EYS: variants seen among roughly 807,000 people sequenced by gnomAD.
EYS encodes the protein protein eyes shut homolog.
In EYS, 250 loss-of-function variants were observed where a neutral mutation model predicts 282.1. The ratio of observed to expected loss-of-function variants is 0.89; its 90% CI spans 0.80 to 0.98. The LOEUF is 0.98. Ranked by LOEUF, EYS falls within the 50% of genes least tolerant of loss-of-function variation. The pLI is 0.00. For missense variants in EYS, 4,016 were observed against 3,709.0 expected (o/e 1.08, Z -2.15); for synonymous variants, 1,355 against 1,282.9 (o/e 1.06, Z -1.20).
chr6:64,678,187 T>G (rs1769760328), intron 22 of EYS, among the ~76,000 whole-genome samples: 1 of 152,012 alleles, frequency 6.6e-6, no homozygotes, highest in South Asian at 2.1e-4. Flanking sequence ...CTGGCTTACA[T>G]GTACTACTTT....
chr6:64,432,292 A>C (rs1246993529), intron 28 of EYS, among the ~76,000 whole-genome samples: 2 of 152,066 alleles, frequency 1.3e-5, no homozygotes, highest in African/African-American at 4.8e-5. Context: ...TAAGACAAGA[A>C]ATAAAGTAAT....
chr6:63,957,937 C>A lies in EYS; in HGVS notation c.7055+26446G>T, dbSNP rs1219763018. On this transcript the variant is annotated intron_variant, in intron 35 of 42. Coordinates refer to ENST00000503581, the MANE Select transcript of EYS (RefSeq NM_001142800.2). ...ATGACAGACAAACAATTTAGTGCAACTTACTGAGAGGCATAAATTTGGGTT... is the reference window on the plus strand; with the variant it reads ...ATGACAGACAAACAATTTAGTGCAAATTACTGAGAGGCATAAATTTGGGTT... Among the ~76,000 whole-genome samples the A allele has an allele frequency of 3.5e-5, 5 of 140,870 alleles. 2 individuals are homozygous for A. The Admixed American group carries it at 3.8e-4, about 11-fold the overall frequency. 92.4% of individuals were successfully genotyped at this position (140,870 alleles called of 152,430 possible).
At chr6:65,540,006 G>A (rs1768104227) in intron 2 of EYS, among the ~76,000 whole-genome samples, 2 of 152,188 alleles carry the variant, frequency 1.3e-5, no homozygotes, top group South Asian at 4.1e-4. Context: ...TTCAGTGGGT[G>A]TTTATCTTTG....
At chr6:63,763,036 T>G (rs1769687876) in intron 40 of EYS, among the ~76,000 whole-genome samples, 1 of 152,026 alleles carries the variant, frequency 6.6e-6, no homozygotes, top group East Asian at 1.9e-4. Flanking sequence ...TTCCCTGGCA[T>G]TGGCAAACTC....
chr6:65,661,693 T>C (rs1447245147), intron 1 of EYS, among the ~76,000 whole-genome samples: 1 of 152,084 alleles, frequency 6.6e-6, no homozygotes, highest in African/African-American at 2.4e-5. Flanking sequence ...AACTTTCGGA[T>C]GATTTCATGA....
At chr6:63,845,622 A>G (rs923582354) in intron 36 of EYS, among the ~76,000 whole-genome samples, 1 of 152,132 alleles carries the variant, frequency 6.6e-6, no homozygotes, top group African/African-American at 2.4e-5. Flanking sequence ...GGATGTAATG[A>G]TTTCTAAGTT....
chr6:65,397,013 T>G (rs1766302800), intron 7 of EYS, among the ~76,000 whole-genome samples: 2 of 151,874 alleles, frequency 1.3e-5, no homozygotes, highest in African/African-American at 2.4e-5. Context: ...TGTCTGTATT[T>G]TTATCATCCT....
chr6:64,650,558 A>G (rs1486713107), intron 22 of EYS, among the ~76,000 whole-genome samples: 1 of 151,916 alleles, frequency 6.6e-6, no homozygotes, highest in East Asian at 1.9e-4. Flanking sequence ...ATAAACCTAT[A>G]CTAAGTGAAT....
chr6:64,513,967 G>C (rs1329910370), intron 26 of EYS, among the ~76,000 whole-genome samples: 1 of 151,820 alleles, frequency 6.6e-6, no homozygotes, highest in African/African-American at 2.4e-5. Flanking sequence ...TTACAAGAAA[G>C]TGTAGCATGA....
rs551972848 is a variant in EYS, at chr6:65,374,434, T to G, written c.1299+9952A>C. Among the ~76,000 whole-genome samples the G allele has an allele frequency of 1.7e-4, 25 of 151,490 alleles. No individual in the cohort carries two copies. The South Asian group carries it at 5.1e-3, about 31-fold the overall frequency. On this transcript the variant is annotated intron_variant, in intron 8 of 42. Coordinates refer to ENST00000503581, the MANE Select transcript of EYS (RefSeq NM_001142800.2). The stretch of plus-strand genomic sequence containing the variant: ...AGGAGATTCCCTCGTGTGTCTACAT[T>G]CCCCGGGCCCTGGGTTTCAAGCACA...
intron 4 of EYS, among the ~76,000 whole-genome samples, chr6:65,491,043 A>G (rs1227146725): frequency 2.0e-5 from 3 of 152,088 alleles, no homozygotes; most frequent in African/African-American, 7.2e-5. Flanking sequence ...TTCAACATAC[A>G]TTGATAGTAT....
intron 12 of EYS, among the ~76,000 whole-genome samples, chr6:65,091,360 G>A (rs1403018796): frequency 6.6e-6 from 1 of 150,584 alleles, no homozygotes; most frequent in Non-Finnish European, 1.5e-5. Context: ...TGAGGCAGGA[G>A]AATCATTTGA....
At chr6:64,452,180 G>C (rs1329592206) in intron 26 of EYS, among the ~76,000 whole-genome samples, 1 of 152,108 alleles carries the variant, frequency 6.6e-6, no homozygotes, top group Non-Finnish European at 1.5e-5. Context: ...CAAAATCAAT[G>C]TGCAAAAATC....
At chr6:64,410,231 C>T (rs1773843671) in intron 28 of EYS, among the ~76,000 whole-genome samples, 1 of 152,112 alleles carries the variant, frequency 6.6e-6, no homozygotes, top group Non-Finnish European at 1.5e-5. Flanking sequence ...TTCTGTTCTG[C>T]AGCATTCCCT....
intron 31 of EYS, among the ~76,000 whole-genome samples, chr6:64,208,727 T>C (rs565171258): frequency 3.3e-5 from 5 of 152,250 alleles, no homozygotes; most frequent in African/African-American, 1.2e-4. Context: ...TAATAAAGTT[T>C]TGAATGTAAG....
chr6:63,809,472 A>G (rs554831924), intron 36 of EYS, among the ~76,000 whole-genome samples: 7 of 152,254 alleles, frequency 4.6e-5, no homozygotes, highest in Non-Finnish European at 8.8e-5. Flanking sequence ...AATTTTTGCA[A>G]TCCCTAGTTG....
chr6:64,206,014 A>T (rs1420552019), intron 31 of EYS, among the ~76,000 whole-genome samples: 1 of 152,136 alleles, frequency 6.6e-6, no homozygotes, highest in East Asian at 1.9e-4. Flanking sequence ...TAGTGAATGC[A>T]TCAGGTTTTT....
rs1299975539 is a variant in EYS, at chr6:64,638,514, A to G, written c.3444-12269T>C. On this transcript the variant is annotated intron_variant, in intron 22 of 42. Transcript: ENST00000503581. ...CTCCACAACATAAAGCTCCTGTCTTAGTTCAGTCCATCTTTCATTTTCTTT... is the reference window on the plus strand; with the variant it reads ...CTCCACAACATAAAGCTCCTGTCTTGGTTCAGTCCATCTTTCATTTTCTTT... Among the ~76,000 whole-genome samples, 6 of 91,836 alleles carry G rather than the reference A, an allele frequency of 6.5e-5. 3 individuals carry two copies. The highest frequency in any genetic ancestry group is 2.5e-4 in the African/African-American group (6 of 24,200). 60.2% of individuals were successfully genotyped at this position (91,836 alleles called of 152,430 possible). A position where few individuals can be genotyped will look rare whatever the true frequency, so the allele number is the denominator to read the frequency against.
chr6:64,313,362 TC>T (rs1484539488), intron 29 of EYS, among the ~76,000 whole-genome samples: 2 of 118,526 alleles, frequency 1.7e-5, no homozygotes, highest in Admixed American at 1.7e-4. Flanking sequence ...GAACAAAGTC[TC>T]CAAGAAATGT....
Sources: gnomAD v4.1 joint callset for allele counts (sites outside exome capture counted in the v4.1 genomes callset) on GRCh38, gnomAD v4.1.1 for gene constraint, MANE v1.5 for transcripts, NCBI Gene and HGNC (gene_info 2026-07-23, HGNC 2026-07-21) for gene names.